The following PLXNA2 variants were observed in gnomAD, a reference collection of about 807,000 sequenced individuals.
PLXNA2 encodes plexin-A2.
In PLXNA2, 91 loss-of-function variants were observed where a neutral mutation model predicts 193.5. The observed-to-expected ratio is 0.47, with a 90% CI of 0.40 to 0.56. The LOEUF (loss-of-function observed/expected upper bound fraction) is 0.56, where lower values mean the gene tolerates loss of function less well. Among genes scored for constraint, PLXNA2 ranks in the 20% least tolerant of loss-of-function variants. PLXNA2 has a pLI of 0.00. For missense variants in PLXNA2, 1,995 were observed against 2,503.2 expected (o/e 0.80, Z 4.33); for synonymous variants, 997 against 1,027.3 (o/e 0.97, Z 0.56).
At chr1:208,203,758 T>A (rs967835306) in intron 3 of PLXNA2, among the ~76,000 whole-genome samples, 2 of 152,182 alleles carry the variant, frequency 1.3e-5, no homozygotes, top group African/African-American at 4.8e-5. Flanking sequence ...CTCAGTTTCC[T>A]ACATCTGTAA....
At chr1:208,129,154 T>C (rs762018856) in intron 4 of PLXNA2, among the ~76,000 whole-genome samples, 9 of 152,206 alleles carry the variant, frequency 5.9e-5, no homozygotes, top group Non-Finnish European at 1.2e-4. Flanking sequence ...CTTTATCCTC[T>C]TTCCATGAAC....
intron 3 of PLXNA2, among the ~76,000 whole-genome samples, chr1:208,155,427 C>T (rs984306387): frequency 2.2e-4 from 33 of 152,282 alleles, no homozygotes; most frequent in African/African-American, 7.5e-4. Flanking sequence ...TATAGCCTGG[C>T]TTTTGTGTAA....
intron 1 of PLXNA2, among the ~76,000 whole-genome samples, chr1:208,233,996 A>G (rs1671773998): frequency 6.6e-6 from 1 of 152,206 alleles, no homozygotes; most frequent in Non-Finnish European, 1.5e-5. Context: ...CAGTTCTCAC[A>G]GGGAATACTG....
At chr1:208,096,685 T>TAG in intron 7 of PLXNA2, 45 bp downstream of exon 7, 1 of 1,608,520 alleles carries the variant, frequency 6.2e-7, no homozygotes, top group Non-Finnish European at 8.5e-7. Context: ...TCCCTCAGTA[T>TAG]AGAGAAGCCC....
At chr1:208,134,988 T>A (rs1331297525) in intron 4 of PLXNA2, among the ~76,000 whole-genome samples, 3 of 152,116 alleles carry the variant, frequency 2.0e-5, no homozygotes, top group African/African-American at 7.2e-5. Flanking sequence ...TATTTTTGGT[T>A]CTAGATCCGG....
chr1:208,029,055 G>A lies in PLXNA2; in HGVS notation c.5226-13C>T. The A allele has an allele frequency of 1.2e-6, 2 of 1,613,972 alleles. No individual in the cohort carries two copies. The highest frequency in any genetic ancestry group is 1.7e-6 in the Non-Finnish European group (2 of 1,179,886). ...GCGCAGAGGGAGGCTGTGGGGAAAG[G>A]CAGAGAAGACTTGAGAATGCATGCG... On this transcript the variant is annotated splice_polypyrimidine_tract_variant and intron_variant, in intron 29 of 31. Transcript: ENST00000367033.
chr1:208,220,690 C>A (rs1179188346), intron 1 of PLXNA2, among the ~76,000 whole-genome samples: 1 of 151,978 alleles, frequency 6.6e-6, no homozygotes, highest in Non-Finnish European at 1.5e-5. Flanking sequence ...GATCCACCTG[C>A]CTTGGCCTCC....
intron 3 of PLXNA2, among the ~76,000 whole-genome samples, chr1:208,174,796 C>T (rs946878847): frequency 2.0e-5 from 3 of 152,210 alleles, no homozygotes; most frequent in African/African-American, 7.2e-5. Flanking sequence ...CTCATGTGTT[C>T]CCCCCACCTG....
rs1438269115 is a variant in PLXNA2 at position 208,043,088 on chromosome 1, C to G, written c.3990G>C (p.Glu1330Asp). Residue 1330 changes from glutamate (E) to aspartate (D), a missense_variant, in exon 21 of 32, where the codon GAG becomes GAC. Glu to Asp is a conservative substitution (Grantham distance 45, BLOSUM62 2). Around this residue, in one of 3 missense-constraint regions of PLXNA2, gnomAD observed 1,291 missense variants for 1,673.6 expected, o/e 0.77. Transcript: ENST00000367033. ...YAMRVLFPGI[E>D]DHPVLRELEV... Reference sequence around the variant, plus strand: ...CCAGCTCCCGCAGGACGGGGTGGTCCTCGATGCCCGGGAACAGGACTCGCA... The same window carrying G: ...CCAGCTCCCGCAGGACGGGGTGGTCGTCGATGCCCGGGAACAGGACTCGCA... The G allele has an allele frequency of 6.2e-7, 1 of 1,613,972 alleles. No homozygotes were observed. Among genetic ancestry groups the G allele is most frequent in the East Asian group, 2.2e-5 (1 of 44,876 alleles).
At chr1:208,175,610 GTTC>G (rs1225427776) in intron 3 of PLXNA2, among the ~76,000 whole-genome samples, 1 of 152,200 alleles carries the variant, frequency 6.6e-6, no homozygotes, top group East Asian at 1.9e-4. Context: ...TTGGAACTAT[GTTC>G]TTCTTCTTGG....
At chr1:208,189,624 T>C (rs1670115010) in intron 3 of PLXNA2, among the ~76,000 whole-genome samples, 1 of 152,126 alleles carries the variant, frequency 6.6e-6, no homozygotes, top group Non-Finnish European at 1.5e-5. Context: ...ACAACTGACC[T>C]CACTTAACTT....
At chr1:208,164,876 G>C (rs1280169913) in intron 3 of PLXNA2, among the ~76,000 whole-genome samples, 1 of 152,336 alleles carries the variant, frequency 6.6e-6, no homozygotes, top group African/African-American at 2.4e-5. Context: ...TCTGCAGATC[G>C]GCAAAGCTGC....
Position 208,033,440 on chromosome 1 carries a change from A to C in PLXNA2, c.4934T>G (p.Leu1645Arg). ...RSRAPMITPD[L>R]ESGVKVWHLV... The stretch of plus-strand genomic sequence containing the variant: ...ATGCCACACCTTGACCCCACTTTCC[A>C]GGTCTGGGGTGATCATCGGGGCCCG... The change falls in exon 28 of 32, where the codon CTG becomes CGG. Residue 1645 changes from leucine to arginine, a missense_variant. By Grantham distance (102) the Leu-to-Arg change is moderately radical. Coordinates refer to ENST00000367033, the MANE Select transcript of PLXNA2 (RefSeq NM_025179.4). 1 of 1,613,840 alleles carries C rather than the reference A, an allele frequency of 6.2e-7. No homozygotes were observed. Among genetic ancestry groups the C allele is most frequent in the Non-Finnish European group, 8.5e-7 (1 of 1,179,838 alleles).
At position 208,210,267 on chromosome 1, in the gene PLXNA2, C is replaced by G; in HGVS notation, c.1371+13G>C. Reference sequence around the variant, plus strand: ...TGAATGGCATTGGAGCATCTGAACTCATAGACTCTTACCTTTTTCAGCTTG... The same window carrying G: ...TGAATGGCATTGGAGCATCTGAACTGATAGACTCTTACCTTTTTCAGCTTG... On this transcript the variant is annotated intron_variant, in intron 3 of 31. Coordinates refer to ENST00000367033, the MANE Select transcript of PLXNA2 (RefSeq NM_025179.4). 6.2e-7 allele frequency: 1 copy of G among 1,613,702 alleles called. No individual in the cohort carries two copies. The highest frequency in any genetic ancestry group is 8.5e-7 in the Non-Finnish European group (1 of 1,179,866).
intron 9 of PLXNA2, among the ~76,000 whole-genome samples, chr1:208,091,975 A>G (rs1666727254): frequency 6.6e-6 from 1 of 152,226 alleles, no homozygotes; most frequent in African/African-American, 2.4e-5. Flanking sequence ...GTATATGCAC[A>G]CGTGCATTTG....
intron 14 of PLXNA2, among the ~76,000 whole-genome samples, chr1:208,053,724 A>G (rs1665338447): frequency 6.6e-6 from 1 of 152,262 alleles, no homozygotes; most frequent in Non-Finnish European, 1.5e-5. Context: ...TTACTGATTC[A>G]GTATGAATAT....
chr1:208,062,346 T>C (rs1665646172), intron 12 of PLXNA2, among the ~76,000 whole-genome samples: 1 of 152,248 alleles, frequency 6.6e-6, no homozygotes, highest in African/African-American at 2.4e-5. Context: ...CTTCCTGTGA[T>C]GTGGGCACCA....
chr1:208,225,074 A>G (rs2102627580), intron 1 of PLXNA2, among the ~76,000 whole-genome samples: 1 of 152,268 alleles, frequency 6.6e-6, no homozygotes, highest in East Asian at 1.9e-4. Flanking sequence ...AGCTTTGGAC[A>G]AGGCCCTTAG....
In PLXNA2 at chr1:208,052,383, A is replaced by T. The variant is rs745682205; in HGVS notation, c.2937T>A (p.Leu979=). ...GTMVTITGHY[L]GAGSSVAVYL... is the part of the protein sequence containing the mutation. ...AGACTGCCACGCTGCTCCCAGCCCCAAGGTAATGGCCGGTAATGGTCACCA... is the reference window on the plus strand; with the variant it reads ...AGACTGCCACGCTGCTCCCAGCCCCTAGGTAATGGCCGGTAATGGTCACCA... Residue 979 remains leucine (L), a synonymous_variant, in exon 15 of 32, where the codon CTT becomes CTA. Coordinates refer to ENST00000367033, the MANE Select transcript of PLXNA2 (RefSeq NM_025179.4). 2 of 1,613,910 alleles carry T rather than the reference A, an allele frequency of 1.2e-6. No homozygotes were observed. The highest frequency in any genetic ancestry group is 1.7e-6 in the Non-Finnish European group (2 of 1,180,022).
Sources: gnomAD v4.1 joint callset for allele counts (sites outside exome capture counted in the v4.1 genomes callset) on GRCh38, gnomAD v4.1.1 for gene constraint, gnomAD v4.1.1 regional missense constraint, MANE v1.5 for transcripts, NCBI Gene and HGNC (gene_info 2026-07-23, HGNC 2026-07-21) for gene names.